The following NAALADL2 variants were observed in gnomAD, a reference collection of about 807,000 sequenced individuals.
NAALADL2 encodes the protein inactive N-acetylated-alpha-linked acidic dipeptidase-like protein 2.
In NAALADL2, 76 loss-of-function variants were observed where a neutral mutation model predicts 87.2. The observed-to-expected ratio is 0.87, with a 90% CI of 0.72 to 1.05. The LOEUF is 1.05. NAALADL2 is among the 50% of genes least tolerant of loss of function. The pLI is 0.00. For missense variants in NAALADL2, 1,089 were observed against 945.8 expected (o/e 1.15, Z -1.99); for synonymous variants, 354 against 331.0 (o/e 1.07, Z -0.75).
At chr3:174,930,276 T>C (rs1736668506) in intron 1 of NAALADL2, among the ~76,000 whole-genome samples, 1 of 152,126 alleles carries the variant, frequency 6.6e-6, no homozygotes, top group Non-Finnish European at 1.5e-5. Context: ...TTTATATATA[T>C]TATTCCCTGT....
In NAALADL2 at chr3:174,706,457, G is replaced by A. The variant is rs552913361; in HGVS notation, c.-114-31184G>A. The stretch of plus-strand genomic sequence containing the variant: ...CAACAAAAGAAAGAATAGATACATT[G>A]TACAATATCAAAATTAAAATTTTGT... On this transcript the variant is annotated intron_variant, in intron 2 of 3. Coordinates refer to the NAALADL2 transcript ENST00000434257. 5.3e-5 allele frequency among the ~76,000 whole-genome samples: 8 copies of A among 152,282 alleles called. No homozygotes were observed. The East Asian group carries it at 1.5e-3, about 29-fold the overall frequency.
At chr3:174,830,399 G>T (rs987672889) in intron 3 of NAALADL2, among the ~76,000 whole-genome samples, 19 of 152,026 alleles carry the variant, frequency 1.2e-4, no homozygotes, top group Non-Finnish European at 2.4e-4. Flanking sequence ...TTTTTCTCAG[G>T]TTTGTCAAAG....
chr3:175,213,909 T>C (rs1452402753), intron 2 of NAALADL2, among the ~76,000 whole-genome samples: 1 of 152,124 alleles, frequency 6.6e-6, no homozygotes, highest in Admixed American at 6.6e-5. Flanking sequence ...ATCCCATTTA[T>C]TTACAACTCT....
intron 2 of NAALADL2, among the ~76,000 whole-genome samples, chr3:174,696,255 T>G (rs1729001221): frequency 6.6e-6 from 1 of 151,994 alleles, no homozygotes; most frequent in Non-Finnish European, 1.5e-5. Flanking sequence ...TATGACTTAT[T>G]ATTTACTCAA....
At chr3:174,787,068 A>G (rs1372605162) in intron 3 of NAALADL2, among the ~76,000 whole-genome samples, 1 of 151,846 alleles carries the variant, frequency 6.6e-6, no homozygotes, top group African/African-American at 2.4e-5. Context: ...TATTTATTGC[A>G]ATATAATAAA....
At chr3:175,128,992 G>A (rs564010073) in intron 2 of NAALADL2, among the ~76,000 whole-genome samples, 2 of 152,130 alleles carry the variant, frequency 1.3e-5, no homozygotes, top group Non-Finnish European at 2.9e-5. Flanking sequence ...AGGCTGGAAT[G>A]CAGTGGCAGA....
intron 1 of NAALADL2, among the ~76,000 whole-genome samples, chr3:174,980,169 C>T (rs13083861): frequency 0.36 from 55,078 of 152,056 alleles, 12,067 homozygotes; most frequent in Non-Finnish European, 0.5. Flanking sequence ...GCACATATTA[C>T]GCCATGTTAT....
At chr3:175,593,146 C>T (rs1305038772) in intron 10 of NAALADL2, among the ~76,000 whole-genome samples, 1 of 152,074 alleles carries the variant, frequency 6.6e-6, no homozygotes, top group Non-Finnish European at 1.5e-5. Flanking sequence ...AGCTCTTTAT[C>T]CTGATGCTCT....
At chr3:175,785,130 G>C (rs2150231403) in intron 13 of NAALADL2, among the ~76,000 whole-genome samples, 1 of 150,478 alleles carries the variant, frequency 6.6e-6, no homozygotes, top group East Asian at 2.0e-4. Context: ...CCAACTATGT[G>C]GTCAATTTTG....
chr3:174,754,632 T>C (rs1711771271), intron 3 of NAALADL2, among the ~76,000 whole-genome samples: 1 of 152,120 alleles, frequency 6.6e-6, no homozygotes, highest in East Asian at 1.9e-4. Context: ...AACCACTGGA[T>C]CCAGACTATG....
At chr3:174,455,377 C>G (rs1367149845) in intron 1 of NAALADL2, among the ~76,000 whole-genome samples, 1 of 152,150 alleles carries the variant, frequency 6.6e-6, no homozygotes, top group Non-Finnish European at 1.5e-5. Context: ...CTAACTCATT[C>G]CATGAGACCA....
rs141851316 is a variant in NAALADL2, at chr3:175,125,060, G to A, written c.545+27769G>A. 1.9e-3 allele frequency among the ~76,000 whole-genome samples: 294 copies of A among 152,106 alleles called. 2 individuals are homozygous for A. Among genetic ancestry groups the A allele is most frequent in the African/African-American group, 6.8e-3 (282 of 41,530 alleles). ...TTCTAATGGAACACTCTATGGTGAT[G>A]GAAGTGTTCTAGATCTGCATTGTTC... On this transcript the variant is annotated intron_variant, in intron 2 of 13. Transcript: ENST00000454872.
chr3:175,206,878 C>G (rs1293199583), intron 2 of NAALADL2, among the ~76,000 whole-genome samples: 1 of 151,850 alleles, frequency 6.6e-6, no homozygotes, highest in African/African-American at 2.4e-5. Flanking sequence ...TTTTTAAAAC[C>G]CAATAAAGCT....
At chr3:175,003,508 A>G in intron 1 of NAALADL2, among the ~76,000 whole-genome samples, 1 of 152,240 alleles carries the variant, frequency 6.6e-6, no homozygotes. Flanking sequence ...AACAGTGACT[A>G]AAGATGCAGT....
chr3:175,353,359 C>A (rs981615831), intron 5 of NAALADL2, among the ~76,000 whole-genome samples: 13 of 152,194 alleles, frequency 8.5e-5, no homozygotes, highest in African/African-American at 3.1e-4. Flanking sequence ...ACAAATAAAA[C>A]ATATAATATT....
intron 5 of NAALADL2, among the ~76,000 whole-genome samples, chr3:175,411,709 C>T (rs1488647424): frequency 6.6e-6 from 1 of 152,040 alleles, no homozygotes; most frequent in Non-Finnish European, 1.5e-5. Context: ...TCCAGTCAGT[C>T]ACAAGCTAAG....
At chr3:175,769,511 A>T (rs989983663) in intron 13 of NAALADL2, among the ~76,000 whole-genome samples, 7 of 152,224 alleles carry the variant, frequency 4.6e-5, no homozygotes, top group Non-Finnish European at 1.0e-4. Flanking sequence ...CATTATAGGT[A>T]GATTGTAACA....
intron 13 of NAALADL2, among the ~76,000 whole-genome samples, chr3:175,762,218 G>A (rs1748125593): frequency 2.9e-5 from 2 of 69,640 alleles, no homozygotes; most frequent in African/African-American, 1.1e-4. Context: ...GCATGTAGAT[G>A]TCCAGTTGTT....
At chr3:174,774,992 A>G (rs990454169) in intron 3 of NAALADL2, among the ~76,000 whole-genome samples, 1 of 152,098 alleles carries the variant, frequency 6.6e-6, no homozygotes, top group Non-Finnish European at 1.5e-5. Flanking sequence ...CTTGGAAATG[A>G]CAACTGTCAG....
Sources: gnomAD v4.1 joint callset for allele counts (sites outside exome capture counted in the v4.1 genomes callset) on GRCh38, gnomAD v4.1.1 for gene constraint, MANE v1.5 for transcripts, NCBI Gene and HGNC (gene_info 2026-07-23, HGNC 2026-07-21) for gene names.